TTC4: variants seen among roughly 807,000 people sequenced by gnomAD.
TTC4 encodes hsp70/Hsp90 co-chaperone CNS1 homolog.
TTC4 carries 36 observed loss-of-function variants against 51.9 expected under a neutral mutation model. The observed-to-expected ratio is 0.69, with a 90% confidence interval of 0.53 to 0.92. The LOEUF is 0.92. Among genes scored for constraint, TTC4 ranks in the 40% least tolerant of loss-of-function variants. TTC4 has a pLI of 0.00. For synonymous variants in TTC4, 144 were observed against 164.2 expected, an observed-to-expected ratio of 0.88 and a Z score of 0.94; for missense variants, 399 against 454.6, an observed-to-expected ratio of 0.88 and a Z score of 1.11.
rs774154563 is a variant in TTC4, at chr1:54,741,541, C to T, written c.*28C>T. The stretch of plus-strand genomic sequence containing the variant: ...AAGCCAGGGCCCCTGGATCTCCTCC[C>T]TTACCCTCCTCTGCTGGGAACCTAG... On this transcript the variant is annotated 3_prime_UTR_variant, in exon 10 of 10. Coordinates refer to ENST00000371281, the MANE Select transcript of TTC4 (RefSeq NM_004623.5). 29 of 1,579,372 alleles carry T rather than the reference C, an allele frequency of 1.8e-5. No homozygotes were observed. The highest frequency in any genetic ancestry group is 2.5e-5 in the Non-Finnish European group (29 of 1,148,702).
intron 7 of TTC4, among the ~76,000 whole-genome samples, 175 bp downstream of exon 7, chr1:54,731,875 A>G (rs76548253): frequency 0.053 from 7,609 of 144,374 alleles, 214 homozygotes; most frequent in South Asian, 0.081. Context: ...TTGACTAACT[A>G]GGTTTGCAAC....
intron 9 of TTC4, among the ~76,000 whole-genome samples, chr1:54,739,388 C>T (rs1201791821): frequency 6.6e-6 from 1 of 152,196 alleles, no homozygotes; most frequent in Non-Finnish European, 1.5e-5. Context: ...TGACTCCAAG[C>T]ACACGCTGCC....
chr1:54,727,561 G>A (rs1645815099), intron 5 of TTC4, among the ~76,000 whole-genome samples: 2 of 150,044 alleles, frequency 1.3e-5, no homozygotes, highest in South Asian at 2.1e-4. Flanking sequence ...GAAGAAAAAA[G>A]TGAAAAGGGG....
At chr1:54,718,192 G>A (rs985419172) in intron 3 of TTC4, among the ~76,000 whole-genome samples, 1 of 152,010 alleles carries the variant, frequency 6.6e-6, no homozygotes, top group Non-Finnish European at 1.5e-5. Context: ...ACCAACCTGG[G>A]CAATATAGTG....
chr1:54,730,534 T>C (rs1645852892), intron 6 of TTC4, among the ~76,000 whole-genome samples: 1 of 152,196 alleles, frequency 6.6e-6, no homozygotes, highest in African/African-American at 2.4e-5. Flanking sequence ...TCCAGAACTC[T>C]TAAAATATTT....
intron 6 of TTC4, among the ~76,000 whole-genome samples, chr1:54,730,262 C>A (rs948929942): frequency 2.0e-5 from 3 of 151,312 alleles, no homozygotes; most frequent in African/African-American, 7.3e-5. Flanking sequence ...CCCAGACACC[C>A]AGACATTTGC....
At chr1:54,718,137 T>C (rs112376055) in intron 3 of TTC4, among the ~76,000 whole-genome samples, 8,408 of 152,092 alleles carry the variant, frequency 0.055, 262 homozygotes, top group African/African-American at 0.08. Context: ...TCCAAGCACT[T>C]TGGGAGGCTG....
At chr1:54,735,943 A>C (rs1393257694) in intron 8 of TTC4, among the ~76,000 whole-genome samples, 1 of 152,128 alleles carries the variant, frequency 6.6e-6, no homozygotes, top group African/African-American at 2.4e-5. Context: ...TTTCTTACAT[A>C]GGATGTTCTA....
chr1:54,716,623 T>C lies in TTC4; in HGVS notation c.135T>C (p.Phe45=), dbSNP rs1198257934. The C allele has an allele frequency of 6.2e-7, 1 of 1,613,474 alleles. No individual in the cohort carries two copies. Among genetic ancestry groups the C allele is most frequent in the Non-Finnish European group, 8.5e-7 (1 of 1,179,896 alleles). ...WEKEFEKVPL[F]MSRAPSEIDP... The stretch of plus-strand genomic sequence containing the variant: ...AGGAATTTGAAAAGGTCCCCCTATT[T>C]ATGTCGAGAGCGCCATCAGAAATTG... Residue 45 remains phenylalanine, a synonymous_variant, in exon 2 of 10, where the codon TTT becomes TTC. Coordinates refer to ENST00000371281, the MANE Select transcript of TTC4 (RefSeq NM_004623.5).
At chr1:54,732,298 G>A (rs1645875380) in intron 7 of TTC4, among the ~76,000 whole-genome samples, 1 of 144,176 alleles carries the variant, frequency 6.9e-6, no homozygotes, top group African/African-American at 2.6e-5. Context: ...TCCAGCCTGG[G>A]TGACAAAGCA....
At chr1:54,741,364 A>G in intron 9 of TTC4, 47 bp from the exon 10 acceptor site, 1 of 1,505,982 alleles carries the variant, frequency 6.6e-7, no homozygotes, top group Non-Finnish European at 9.2e-7. Flanking sequence ...TGGATGGTTA[A>G]GATTGTAATT....
At position 54,741,642 on chromosome 1, in the gene TTC4, C is replaced by T; in HGVS notation, c.*129C>T. 1 of 770,674 alleles carries T rather than the reference C, an allele frequency of 1.3e-6. No individual in the cohort carries two copies. The allele number at this position is 770,674 out of a possible 1,614,324, so 47.7% of individuals were successfully genotyped here. A position where few individuals can be genotyped will look rare whatever the true frequency, so the allele number is the denominator to read the frequency against. ...TCACCCTGGGGATAGTCCTTCCTGG[C>T]ATCGTGGTGGGGGAGGAGCCTCTGG... On this transcript the variant is annotated 3_prime_UTR_variant, in exon 10 of 10. Coordinates refer to ENST00000371281, the MANE Select transcript of TTC4 (RefSeq NM_004623.5).
At chr1:54,718,909 C>A (rs1041960744) in intron 3 of TTC4, among the ~76,000 whole-genome samples, 2 of 151,976 alleles carry the variant, frequency 1.3e-5, no homozygotes, top group Non-Finnish European at 2.9e-5. Context: ...ACTCAGTGGA[C>A]CTTTTCAGTC....
Position 54,727,055 on chromosome 1 carries a change from CAAA to C in TTC4, c.595-1277_595-1275del, listed in dbSNP as rs56739564. Among the ~76,000 whole-genome samples, 262 of 102,928 alleles carry C rather than the reference CAAA, an allele frequency of 2.5e-3. 1 individual carries two copies. Among genetic ancestry groups the C allele is most frequent in the African/African-American group, 4.1e-3 (122 of 30,044 alleles). 67.5% of individuals were successfully genotyped at this position (102,928 alleles called of 152,430 possible). A position where few individuals can be genotyped will look rare whatever the true frequency, so the allele number is the denominator to read the frequency against. On this transcript the variant is annotated intron_variant, in intron 5 of 9. Transcript: ENST00000371281. ...CTGAATGACCAACAATCATGAAAGA[CAAA>C]AAAAAAAAAAAAACAAAATTGGAAG...
chr1:54,733,765 T>C, intron 8 of TTC4, 55 bp downstream of exon 8: 1 of 956,874 alleles, frequency 1.0e-6, no homozygotes, highest in Non-Finnish European at 1.5e-6. Flanking sequence ...TTTTTTTTTT[T>C]TTTTTTTTGC....
Position 54,741,620 on chromosome 1 carries a change from C to A in TTC4, c.*107C>A. The A allele has an allele frequency of 1.1e-6, 1 of 949,164 alleles. No homozygotes were observed. Among genetic ancestry groups the A allele is most frequent in the South Asian group, 1.4e-5 (1 of 72,416 alleles). The allele number at this position is 949,164 out of a possible 1,614,324, so 58.8% of individuals were successfully genotyped here. ...GGAGTCCAGTGCTTTCTTTCCGTCA[C>A]CCTGGGGATAGTCCTTCCTGGCATC... is the stretch of plus-strand genomic sequence containing the variant. On this transcript the variant is annotated 3_prime_UTR_variant, in exon 10 of 10. Transcript: ENST00000371281.
At chr1:54,729,283 C>T (rs1373992551) in intron 6 of TTC4, among the ~76,000 whole-genome samples, 1 of 152,198 alleles carries the variant, frequency 6.6e-6, no homozygotes, top group Admixed American at 6.5e-5. Context: ...TATTTTCAGA[C>T]CATGGTTGAC....
At chr1:54,737,861 C>T (rs1249330574) in intron 9 of TTC4, among the ~76,000 whole-genome samples, 197 bp downstream of exon 9, 3 of 152,308 alleles carry the variant, frequency 2.0e-5, no homozygotes, top group South Asian at 2.1e-4. Flanking sequence ...TCACCTCTTA[C>T]GTGGATGGCG....
chr1:54,724,947 G>T (rs949387216), intron 5 of TTC4, among the ~76,000 whole-genome samples: 1 of 152,180 alleles, frequency 6.6e-6, no homozygotes, highest in African/African-American at 2.4e-5. Context: ...TGGAACCTCA[G>T]TAAGAACAGC....
Sources: allele counts gnomAD v4.1 joint callset (sites outside exome capture counted in the v4.1 genomes callset), GRCh38; gene constraint gnomAD v4.1.1; transcripts MANE v1.5; gene names NCBI Gene and HGNC (gene_info 2026-07-23, HGNC 2026-07-21).